The following KCNMA1 variants were observed in gnomAD, a reference collection of about 807,000 sequenced individuals.
KCNMA1 encodes potassium calcium-activated channel subfamily M alpha 1, also known as Calcium-activated potassium channel subunit alpha-1.
KCNMA1 carries 29 observed loss-of-function variants against 140.0 expected under a neutral mutation model. The observed-to-expected ratio is 0.21, with a 90% CI of 0.15 to 0.28. The LOEUF is 0.28. Ranked by LOEUF, KCNMA1 falls within the 10% of genes least tolerant of loss-of-function variation. The pLI is 1.00. For synonymous variants in KCNMA1, 612 were observed against 611.9 expected (o/e 1.00, Z 0.00); for missense variants, 880 against 1,602.2 (o/e 0.55, Z 7.70).
At chr10:76,953,288 A>T (rs1048371521) in intron 21 of KCNMA1, among the ~76,000 whole-genome samples, 3 of 152,248 alleles carry the variant, frequency 2.0e-5, no homozygotes, top group African/African-American at 7.2e-5. Flanking sequence ...ACCAATAACA[A>T]TACAGGCAGC....
In KCNMA1 at chr10:77,358,112, T is replaced by G. The variant is rs188727537; in HGVS notation, c.540+45750A>C. Among the ~76,000 whole-genome samples, 131 of 152,104 alleles carry G rather than the reference T, an allele frequency of 8.6e-4. 2 individuals are homozygous for G. The highest frequency in any genetic ancestry group is 8.2e-4 in the Non-Finnish European group (56 of 67,998). On this transcript the variant is annotated intron_variant, in intron 2 of 27. Transcript: ENST00000286628. ...AACAGCTCCTTCAAGCAGTGGGGGA[T>G]GTTAAGGAAAAGCAGGGAAAATCAG...
chr10:77,227,263 T>C (rs2051803677), intron 3 of KCNMA1, among the ~76,000 whole-genome samples: 1 of 152,204 alleles, frequency 6.6e-6, no homozygotes. Flanking sequence ...ATTGATCACT[T>C]TCCTTACTGA....
At chr10:77,176,664 C>T (rs751230594) in intron 5 of KCNMA1, among the ~76,000 whole-genome samples, 13 of 152,134 alleles carry the variant, frequency 8.5e-5, no homozygotes, top group Admixed American at 3.3e-4. Flanking sequence ...CGGATCCCAG[C>T]GCACCCTCTT....
intron 1 of KCNMA1, among the ~76,000 whole-genome samples, chr10:77,499,661 C>T (rs1603630033): frequency 1.3e-5 from 2 of 152,024 alleles, no homozygotes; most frequent in South Asian, 2.1e-4. Context: ...AAGCAGAATA[C>T]GTTGTTCAAG....
At chr10:77,069,463 T>C (rs2096096960) in intron 14 of KCNMA1, among the ~76,000 whole-genome samples, 1 of 152,152 alleles carries the variant, frequency 6.6e-6, no homozygotes, top group Admixed American at 6.5e-5. Context: ...ATTTGTTAAA[T>C]CCTAGCACTG....
chr10:77,103,968 G>A (rs2097150809), intron 9 of KCNMA1, among the ~76,000 whole-genome samples: 1 of 152,186 alleles, frequency 6.6e-6, no homozygotes, highest in Non-Finnish European at 1.5e-5. Context: ...TGAGTTTAGA[G>A]CAGAATGGAG....
chr10:77,544,902 T>C (rs1208963906), intron 1 of KCNMA1, among the ~76,000 whole-genome samples: 1 of 152,148 alleles, frequency 6.6e-6, no homozygotes, highest in Non-Finnish European at 1.5e-5. Context: ...CAGCAAAAAG[T>C]CTAATCCCCT....
At chr10:77,445,324 G>A (rs1042067841) in intron 1 of KCNMA1, among the ~76,000 whole-genome samples, 1 of 150,740 alleles carries the variant, frequency 6.6e-6, no homozygotes, top group Non-Finnish European at 1.5e-5. Context: ...CCTCTGCATC[G>A]TCCATATTCT....
At chr10:77,620,775 T>A (rs1181315263) in intron 1 of KCNMA1, among the ~76,000 whole-genome samples, 1 of 152,242 alleles carries the variant, frequency 6.6e-6, no homozygotes. Flanking sequence ...TTAAGAATTA[T>A]GGGCTTTGCA....
At chr10:76,970,452 C>T (rs2075759981) in intron 19 of KCNMA1, 1 of 217,188 alleles carries the variant, frequency 4.6e-6, no homozygotes, top group Non-Finnish European at 9.4e-6. Flanking sequence ...TTTGTTGTAA[C>T]CAAAATCAGA....
chr10:77,362,976 G>T (rs941152858), intron 2 of KCNMA1, among the ~76,000 whole-genome samples: 1 of 152,202 alleles, frequency 6.6e-6, no homozygotes, highest in Non-Finnish European at 1.5e-5. Context: ...TGCACAGCTG[G>T]CTTAGCTTGC....
intron 13 of KCNMA1, among the ~76,000 whole-genome samples, chr10:77,075,298 C>T (rs1461729711): frequency 1.3e-5 from 2 of 152,214 alleles, no homozygotes; most frequent in Admixed American, 6.5e-5. Context: ...ACTTCCTGGG[C>T]ATCGTAGAGA....
At chr10:76,968,375 A>G (rs2074787566) in intron 20 of KCNMA1, among the ~76,000 whole-genome samples, 1 of 152,198 alleles carries the variant, frequency 6.6e-6, no homozygotes, top group South Asian at 2.1e-4. Context: ...AAAACAGTAT[A>G]ACTCCTCAGA....
At chr10:77,244,042 T>C (rs1317863738) in intron 3 of KCNMA1, among the ~76,000 whole-genome samples, 1 of 152,194 alleles carries the variant, frequency 6.6e-6, no homozygotes, top group Non-Finnish European at 1.5e-5. Flanking sequence ...AAGTCCAGAA[T>C]TGGCATAAAA....
intron 2 of KCNMA1, among the ~76,000 whole-genome samples, chr10:77,323,908 T>C (rs933157831): frequency 6.6e-6 from 1 of 152,204 alleles, no homozygotes; most frequent in Non-Finnish European, 1.5e-5. Flanking sequence ...AAGGCTGTCA[T>C]AGGTAAATCC....
At chr10:77,266,711 G>A (rs2063544419) in intron 2 of KCNMA1, among the ~76,000 whole-genome samples, 1 of 152,116 alleles carries the variant, frequency 6.6e-6, no homozygotes, top group African/African-American at 2.4e-5. Flanking sequence ...AGACCCCAAG[G>A]ATGCTTTAAA....
At chr10:77,196,149 T>C (rs1396677425) in intron 3 of KCNMA1, among the ~76,000 whole-genome samples, 4 of 152,090 alleles carry the variant, frequency 2.6e-5, no homozygotes, top group African/African-American at 9.7e-5. Flanking sequence ...ATTCCTATCA[T>C]TATAAAAACA....
chr10:77,048,034 G>A (rs184370894), intron 14 of KCNMA1, among the ~76,000 whole-genome samples: 1 of 151,698 alleles, frequency 6.6e-6, no homozygotes, highest in Admixed American at 6.6e-5. Flanking sequence ...TGTAATCCCA[G>A]CAATTTGAGA....
At chr10:77,183,938 A>G (rs1682742967) in intron 4 of KCNMA1, among the ~76,000 whole-genome samples, 1 of 152,206 alleles carries the variant, frequency 6.6e-6, no homozygotes, top group African/African-American at 2.4e-5. Flanking sequence ...TAGTCTTAAG[A>G]GAAAGATCAG....
Sources: gnomAD v4.1 joint callset for allele counts (sites outside exome capture counted in the v4.1 genomes callset) on GRCh38, gnomAD v4.1.1 for gene constraint, MANE v1.5 for transcripts, NCBI Gene and HGNC (gene_info 2026-07-23, HGNC 2026-07-21) for gene names.